The following P2RY14 variants were observed in gnomAD, a reference collection of about 807,000 sequenced individuals.
P2RY14 encodes purinergic receptor P2Y14.
A neutral mutation model predicts 0.9 loss-of-function variants in P2RY14; 2 were observed. The observed-to-expected ratio is 2.16, with a 90% CI of 0.88 to 6.79. P2RY14 has a LOEUF of 6.79. Among genes scored for constraint, P2RY14 ranks in the 30% most tolerant of loss-of-function variants. The pLI, the probability that P2RY14 is intolerant of heterozygous loss-of-function variation, is 0.05. For synonymous variants in P2RY14, 158 were observed against 147.2 expected (o/e 1.07, Z -0.53); for missense variants, 378 against 400.1 (o/e 0.94, Z 0.47).
Position 151,253,171 on chromosome 3 carries a change from A to G in P2RY14, c.-133+25116T>C, listed in dbSNP as rs566607271. Among the ~76,000 whole-genome samples the G allele has an allele frequency of 6.0e-4, 92 of 152,322 alleles. 1 individual carries two copies. The highest frequency in any genetic ancestry group is 2.2e-3 in the African/African-American group (91 of 41,580). Reference sequence around the variant, plus strand: ...TCTGGGGTCATGACAGGCACCCTGTATAGTGATATAAATGTCAGTGTCTGA... The same window carrying G: ...TCTGGGGTCATGACAGGCACCCTGTGTAGTGATATAAATGTCAGTGTCTGA... On this transcript the variant is annotated intron_variant, in intron 1 of 2. Coordinates refer to ENST00000309170, the MANE Select transcript of P2RY14 (RefSeq NM_014879.4).
intron 2 of P2RY14, among the ~76,000 whole-genome samples, chr3:151,218,230 T>TC (rs1379550233): frequency 1.3e-5 from 2 of 152,184 alleles, no homozygotes; most frequent in African/African-American, 4.8e-5. Context: ...TCAGCAACCC[T>TC]CCCTTCCCTG....
At chr3:151,269,719 GA>G in intron 1 of P2RY14, 1 of 421,882 alleles carries the variant, frequency 2.4e-6, no homozygotes, top group Non-Finnish European at 4.6e-6. Flanking sequence ...TCTTTAGTTT[GA>G]AAATAAAGTT....
chr3:151,235,260 A>G (rs1732496647), intron 1 of P2RY14, among the ~76,000 whole-genome samples: 1 of 152,162 alleles, frequency 6.6e-6, no homozygotes, highest in South Asian at 2.1e-4. Flanking sequence ...AAATTGTGAA[A>G]GATTTCTGGA....
intron 1 of P2RY14, among the ~76,000 whole-genome samples, chr3:151,230,181 A>T (rs987649045): frequency 2.0e-5 from 3 of 151,848 alleles, no homozygotes; most frequent in Non-Finnish European, 4.4e-5. Context: ...TCACCGTGTT[A>T]GCCAGGATTG....
Position 151,214,059 on chromosome 3 carries a change from G to A in P2RY14, c.258C>T (p.Pro86=). ...FKILGDSGLG[P]WQLNVFVCRV... ...TGCACACAAACACGTTCAGCTGCCA[G>A]GGACCAAGGCCTGAGTCACCAAGGA... Residue 86 remains proline, a synonymous_variant, in exon 3 of 3, where the codon CCC becomes CCT. Transcript: ENST00000309170. 1 of 1,614,162 alleles carries A rather than the reference G, an allele frequency of 6.2e-7. No individual in the cohort carries two copies. The highest frequency in any genetic ancestry group is 8.5e-7 in the Non-Finnish European group (1 of 1,180,024).
At chr3:151,268,925 A>C (rs768721549) in intron 1 of P2RY14, among the ~76,000 whole-genome samples, 1 of 152,198 alleles carries the variant, frequency 6.6e-6, no homozygotes, top group Non-Finnish European at 1.5e-5. Context: ...AAAAAAAATT[A>C]AGTTTTCTGA....
At chr3:151,234,559 T>C (rs1480430175) in intron 1 of P2RY14, among the ~76,000 whole-genome samples, 2 of 152,222 alleles carry the variant, frequency 1.3e-5, no homozygotes, top group African/African-American at 4.8e-5. Context: ...GTAGGTGCTG[T>C]ATAAACTTTC....
chr3:151,242,318 G>A, intron 1 of P2RY14, among the ~76,000 whole-genome samples: 1 of 152,338 alleles, frequency 6.6e-6, no homozygotes, highest in East Asian at 1.9e-4. Context: ...ACCTCTGGGG[G>A]CAGGGCACAG....
chr3:151,226,048 T>A (rs1170214245), intron 1 of P2RY14, among the ~76,000 whole-genome samples: 1 of 152,154 alleles, frequency 6.6e-6, no homozygotes, highest in East Asian at 1.9e-4. Context: ...TGGAAACACA[T>A]CAGGGAACTC....
intron 2 of P2RY14, 80 bp from the exon 3 acceptor site, chr3:151,214,420 A>C: frequency 1.0e-6 from 1 of 970,720 alleles, no homozygotes; most frequent in Non-Finnish European, 1.5e-6. Flanking sequence ...GCAAAGGGCA[A>C]TGAATATAGT....
intron 1 of P2RY14, among the ~76,000 whole-genome samples, chr3:151,275,778 A>C (rs183842154): frequency 1.9e-4 from 29 of 152,312 alleles, no homozygotes; most frequent in Admixed American, 7.2e-4. Flanking sequence ...TGAGAATTTA[A>C]AATAGATTTT....
chr3:151,213,185 G>T lies in P2RY14; in HGVS notation c.*115C>A. 1 of 766,556 alleles carries T rather than the reference G, an allele frequency of 1.3e-6. No individual in the cohort carries two copies. The highest frequency in any genetic ancestry group is 2.1e-6 in the Non-Finnish European group (1 of 478,578). 47.5% of individuals were successfully genotyped at this position (766,556 alleles called of 1,614,324 possible). On this transcript the variant is annotated 3_prime_UTR_variant, in exon 3 of 3. Coordinates refer to ENST00000309170, the MANE Select transcript of P2RY14 (RefSeq NM_014879.4). ...ATTTGAATTTTATTGAACTAAATTG[G>T]ATGGCAGTGCTAGAGATGATATTTA... is the stretch of plus-strand genomic sequence containing the variant.
At chr3:151,249,738 T>C (rs1736467723) in intron 1 of P2RY14, among the ~76,000 whole-genome samples, 1 of 152,168 alleles carries the variant, frequency 6.6e-6, no homozygotes, top group Non-Finnish European at 1.5e-5. Context: ...ATTCTGTTTC[T>C]GTCCTGGGTT....
At position 151,213,280 on chromosome 3, in the gene P2RY14, C is replaced by A; in HGVS notation, c.*20G>T. On this transcript the variant is annotated 3_prime_UTR_variant, in exon 3 of 3. Coordinates refer to ENST00000309170, the MANE Select transcript of P2RY14 (RefSeq NM_014879.4). ...ATGACAACATGCACACGTGGTCTTTCTTTGGAAGAGGGTAGGAACTCACAA... is the reference window on the plus strand; with the variant it reads ...ATGACAACATGCACACGTGGTCTTTATTTGGAAGAGGGTAGGAACTCACAA... The A allele has an allele frequency of 6.4e-7, 1 of 1,559,744 alleles. No individual in the cohort carries two copies. The highest frequency in any genetic ancestry group is 2.2e-5 in the East Asian group (1 of 44,590).
intron 2 of P2RY14, among the ~76,000 whole-genome samples, chr3:151,218,619 A>G (rs1490165058): frequency 6.6e-6 from 1 of 152,158 alleles, no homozygotes; most frequent in Non-Finnish European, 1.5e-5. Context: ...CTGTAATCCC[A>G]GCACTTTGGG....
chr3:151,225,770 A>G (rs1171554902), intron 1 of P2RY14, among the ~76,000 whole-genome samples: 1 of 152,008 alleles, frequency 6.6e-6, no homozygotes, highest in East Asian at 1.9e-4. Flanking sequence ...TTCATTACCC[A>G]CAGCATTTGA....
At chr3:151,237,196 G>A (rs761881314) in intron 1 of P2RY14, among the ~76,000 whole-genome samples, 2 of 151,452 alleles carry the variant, frequency 1.3e-5, no homozygotes, top group Admixed American at 6.6e-5. Context: ...ATGCCACCAC[G>A]CCCAGCTAAT....
At chr3:151,228,784 C>G (rs749609976) in intron 1 of P2RY14, among the ~76,000 whole-genome samples, 1 of 152,142 alleles carries the variant, frequency 6.6e-6, no homozygotes, top group Non-Finnish European at 1.5e-5. Context: ...GGAACCAATT[C>G]TTTTTTCTCC....
chr3:151,221,647 C>T (rs777497662), intron 1 of P2RY14, among the ~76,000 whole-genome samples: 3 of 152,228 alleles, frequency 2.0e-5, no homozygotes, highest in African/African-American at 4.8e-5. Context: ...GTGGAGCCTG[C>T]GAGTGCACAG....
Sources: gnomAD v4.1 joint callset for allele counts (sites outside exome capture counted in the v4.1 genomes callset) on GRCh38, gnomAD v4.1.1 for gene constraint, MANE v1.5 for transcripts, NCBI Gene and HGNC (gene_info 2026-07-23, HGNC 2026-07-21) for gene names.